Variants in PRNP observed in about 807,000 individuals in gnomAD.
The protein encoded by PRNP is major prion protein.
PRNP carries 15 observed loss-of-function variants against 21.3 expected under a neutral mutation model. The ratio of observed to expected loss-of-function variants is 0.71; its 90% confidence interval spans 0.47 to 1.09. The LOEUF is 1.09. Among genes scored for constraint, PRNP ranks in the 50% least tolerant of loss-of-function variants. The pLI is 0.00. For synonymous variants in PRNP, 121 were observed against 123.1 expected (o/e 0.98, Z 0.11); for missense variants, 285 against 340.9 (o/e 0.84, Z 1.29).
chr20:4,701,138 T>C lies in PRNP; in HGVS notation c.*1156T>C, dbSNP rs1286353781. 6.0e-6 allele frequency: 1 copy of C among 166,284 alleles called. No individual in the cohort carries two copies. The highest frequency in any genetic ancestry group is 1.5e-5 in the Non-Finnish European group (1 of 68,130). 10.3% of individuals were successfully genotyped at this position (166,284 alleles called of 1,614,324 possible). The stretch of plus-strand genomic sequence containing the variant: ...TGATTTGAAGTGGAAAAAGAAATTC[T>C]GTTAATGTTAATTAAAGTAAAATTA... On this transcript the variant is annotated 3_prime_UTR_variant, in exon 2 of 2. Coordinates refer to ENST00000379440, the MANE Select transcript of PRNP (RefSeq NM_000311.5). This position sits in a 1 kb window ranked among gnomAD's most constrained non-coding sequence, Gnocchi z 4.2.
chr20:4,689,482 A>C (rs911031527), intron 1 of PRNP, among the ~76,000 whole-genome samples: 7 of 152,238 alleles, frequency 4.6e-5, no homozygotes, highest in Admixed American at 4.6e-4. Flanking sequence ...TTTAAAAATA[A>C]TGTAATCAAA....
At chr20:4,689,350 C>T (rs970197502) in intron 1 of PRNP, among the ~76,000 whole-genome samples, 4 of 152,184 alleles carry the variant, frequency 2.6e-5, no homozygotes, top group Admixed American at 6.5e-5. Context: ...AGAGGCCACT[C>T]GGGTGCATCT....
intron 1 of PRNP, among the ~76,000 whole-genome samples, chr20:4,693,551 T>C (rs1921964161): frequency 6.6e-6 from 1 of 152,128 alleles, no homozygotes; most frequent in Non-Finnish European, 1.5e-5. Flanking sequence ...AATTTCTCTC[T>C]GTGGACCATG....
chr20:4,691,620 T>A (rs371865188), intron 1 of PRNP, among the ~76,000 whole-genome samples: 2 of 152,248 alleles, frequency 1.3e-5, no homozygotes, highest in African/African-American at 2.4e-5. Flanking sequence ...TCCCACTGTA[T>A]CATAGTAAAT....
chr20:4,687,246 G>T (rs1445751233), intron 1 of PRNP, among the ~76,000 whole-genome samples: 3 of 152,034 alleles, frequency 2.0e-5, no homozygotes, highest in African/African-American at 4.8e-5. Context: ...GGGCGGGGGC[G>T]GGGCCTCGGG....
At chr20:4,688,832 T>C (rs537903130) in intron 1 of PRNP, among the ~76,000 whole-genome samples, 46 of 152,366 alleles carry the variant, frequency 3.0e-4, no homozygotes, top group African/African-American at 1.1e-3. Flanking sequence ...GACGTTTTCA[T>C]TGAAATTGTC....
At chr20:4,692,920 C>T (rs1263042023) in intron 1 of PRNP, among the ~76,000 whole-genome samples, 2 of 152,162 alleles carry the variant, frequency 1.3e-5, no homozygotes, top group African/African-American at 4.8e-5. Context: ...GCTCTAAACA[C>T]TACATCTCAG....
Position 4,699,995 on chromosome 20 carries a change from T to C in PRNP, c.*13T>C. The C allele has an allele frequency of 6.3e-7, 1 of 1,595,928 alleles. No individual in the cohort carries two copies. The highest frequency in any genetic ancestry group is 8.5e-7 in the Non-Finnish European group (1 of 1,170,640). Reference sequence around the variant, plus strand: ...GATAGTGGGATGAGGAAGGTCTTCCTGTTTTCACCATCTTTCTAATCTTTT... The same window carrying C: ...GATAGTGGGATGAGGAAGGTCTTCCCGTTTTCACCATCTTTCTAATCTTTT... On this transcript the variant is annotated 3_prime_UTR_variant, in exon 2 of 2. Transcript: ENST00000379440. This position sits in a 1 kb window ranked among gnomAD's most constrained non-coding sequence, Gnocchi z 5.8.
At chr20:4,694,253 C>T (rs1028880616) in intron 1 of PRNP, among the ~76,000 whole-genome samples, 1 of 151,610 alleles carries the variant, frequency 6.6e-6, no homozygotes, top group Admixed American at 6.6e-5. Context: ...GTAATCTCAG[C>T]ACTTTGGGAG....
intron 1 of PRNP, among the ~76,000 whole-genome samples, chr20:4,693,269 CT>C (rs1921948937): frequency 6.6e-6 from 1 of 152,210 alleles, no homozygotes; most frequent in African/African-American, 2.4e-5. Flanking sequence ...ACGCCACCAT[CT>C]TCCTGCAGCA....
At position 4,686,889 on chromosome 20, in the gene PRNP, G is replaced by A. The variant is rs1921477745; in HGVS notation, c.-11+377G>A. On this transcript the variant is annotated intron_variant, in intron 1 of 1. Coordinates refer to ENST00000379440, the MANE Select transcript of PRNP (RefSeq NM_000311.5). The surrounding 1 kb of genome is among the most constrained non-coding windows in gnomAD (Gnocchi z 6.7). Reference sequence around the variant, plus strand: ...ATCGCTGGCGCCCAGGGAACTCCGGGAGGGCCGCCAGCGGGCTCCGCAGGG... The same window carrying A: ...ATCGCTGGCGCCCAGGGAACTCCGGAAGGGCCGCCAGCGGGCTCCGCAGGG... 1.3e-5 allele frequency among the ~76,000 whole-genome samples: 2 copies of A among 151,524 alleles called. No homozygotes were observed. The highest frequency in any genetic ancestry group is 3.9e-4 in the East Asian group (2 of 5,132).
chr20:4,699,924 TCTC>T lies in PRNP; in HGVS notation c.708_710del (p.Ser237del), dbSNP rs1309879759. 1.2e-6 allele frequency: 2 copies of T among 1,613,848 alleles called. No individual in the cohort carries two copies. The highest frequency in any genetic ancestry group is 1.7e-6 in the Non-Finnish European group (2 of 1,179,884). On this transcript the variant is annotated inframe_deletion, in exon 2 of 2. Transcript: ENST00000379440. The surrounding 1 kb of genome is among the most constrained non-coding windows in gnomAD (Gnocchi z 5.8). ...CAGAGAGGATCGAGCATGGTCCTCT[TCTC>T]CTCTCCACCTGTGATCCTCCTGATC...
At chr20:4,690,372 T>C (rs985286576) in intron 1 of PRNP, among the ~76,000 whole-genome samples, 3 of 152,188 alleles carry the variant, frequency 2.0e-5, no homozygotes, top group African/African-American at 7.2e-5. Context: ...CTCCAACACC[T>C]TGGACTCTTA....
At chr20:4,696,614 A>C (rs145896155) in intron 1 of PRNP, among the ~76,000 whole-genome samples, 1 of 152,366 alleles carries the variant, frequency 6.6e-6, no homozygotes, top group African/African-American at 2.4e-5. Flanking sequence ...ACTTCTTTGC[A>C]TATGGCCTTG....
Position 4,697,763 on chromosome 20 carries a change from G to A in PRNP, c.-10-1448G>A, listed in dbSNP as rs936156058. 6.6e-6 allele frequency among the ~76,000 whole-genome samples: 1 copy of A among 152,224 alleles called. No homozygotes were observed. The highest frequency in any genetic ancestry group is 1.5e-5 in the Non-Finnish European group (1 of 68,038). ...GGAGAGCGCTCAATGGCAGCCAGGG[G>A]AGGAGCAGGGAGGCTGGTTGGGAGG... is the stretch of plus-strand genomic sequence containing the variant. On this transcript the variant is annotated intron_variant, in intron 1 of 1. Coordinates refer to ENST00000379440, the MANE Select transcript of PRNP (RefSeq NM_000311.5). This position sits in a 1 kb window ranked among gnomAD's most constrained non-coding sequence, Gnocchi z 4.6.
Position 4,697,130 on chromosome 20 carries a change from T to C in PRNP, c.-10-2081T>C, listed in dbSNP as rs1448606538. Among the ~76,000 whole-genome samples, 1 of 152,240 alleles carries C rather than the reference T, an allele frequency of 6.6e-6. No homozygotes were observed. The highest frequency in any genetic ancestry group is 1.5e-5 in the Non-Finnish European group (1 of 68,034). ...TGTTTATTTAACTGAATTGAAAATGTTAGCTGGCCATTGTCAAAAATACTA... is the reference window on the plus strand; with the variant it reads ...TGTTTATTTAACTGAATTGAAAATGCTAGCTGGCCATTGTCAAAAATACTA... On this transcript the variant is annotated intron_variant, in intron 1 of 1. Transcript: ENST00000379440. The surrounding 1 kb of genome is among the most constrained non-coding windows in gnomAD (Gnocchi z 4.6).
At chr20:4,695,435 A>G (rs1922106672) in intron 1 of PRNP, among the ~76,000 whole-genome samples, 1 of 152,074 alleles carries the variant, frequency 6.6e-6, no homozygotes, top group Non-Finnish European at 1.5e-5. Context: ...AAAGAACATG[A>G]TCTCGTTCTT....
chr20:4,689,847 T>TAA (rs1238173181), intron 1 of PRNP, among the ~76,000 whole-genome samples: 1 of 152,208 alleles, frequency 6.6e-6, no homozygotes, highest in Non-Finnish European at 1.5e-5. Flanking sequence ...GTTACAGTAT[T>TAA]GTGTGATCAC....
chr20:4,690,347 A>G (rs766831660), intron 1 of PRNP, among the ~76,000 whole-genome samples: 1 of 152,232 alleles, frequency 6.6e-6, no homozygotes, highest in Non-Finnish European at 1.5e-5. Context: ...TTTAGTGCCT[A>G]TATTTGGATC....
Sources: gnomAD v4.1 joint callset for allele counts (sites outside exome capture counted in the v4.1 genomes callset) on GRCh38, gnomAD v4.1.1 for gene constraint, Gnocchi (gnomAD v3.1) non-coding constraint, MANE v1.5 for transcripts, NCBI Gene and HGNC (gene_info 2026-07-23, HGNC 2026-07-21) for gene names.